The following VRK2 variants were observed in gnomAD, a reference collection of about 807,000 sequenced individuals.
The protein encoded by VRK2 is serine/threonine-protein kinase VRK2.
In VRK2, 60 loss-of-function variants were observed where a neutral mutation model predicts 57.6. The observed-to-expected ratio is 1.04, with a 90% CI of 0.85 to 1.29. The LOEUF (loss-of-function observed/expected upper bound fraction) is 1.29. Ranked by LOEUF, VRK2 falls within the 50% of genes most tolerant of loss-of-function variation. The pLI is 0.00. For synonymous variants in VRK2, 231 were observed against 199.2 expected (o/e 1.16, Z -1.35); for missense variants, 705 against 588.1 (o/e 1.20, Z -2.06).
intron 9 of VRK2, among the ~76,000 whole-genome samples, chr2:58,132,979 C>T (rs139174939): frequency 2.6e-5 from 4 of 152,076 alleles, no homozygotes; most frequent in Non-Finnish European, 4.4e-5. Flanking sequence ...TGTAACATTT[C>T]GAAATATGGG....
chr2:58,137,219 T>TATC (rs1553422503), intron 10 of VRK2, among the ~76,000 whole-genome samples: 9 of 60,250 alleles, frequency 1.5e-4, no homozygotes, highest in African/African-American at 2.0e-4. Context: ...ATGATACATA[T>TATC]ATATCATATG....
intron 1 of VRK2, among the ~76,000 whole-genome samples, chr2:57,916,475 G>A (rs935169672): frequency 2.0e-5 from 3 of 150,406 alleles, no homozygotes; most frequent in African/African-American, 7.3e-5. Context: ...ATAAACAACT[G>A]CATTTAACTT....
intron 2 of VRK2, among the ~76,000 whole-genome samples, chr2:58,050,333 C>T (rs1427445715): frequency 3.9e-5 from 6 of 152,144 alleles, no homozygotes; most frequent in Non-Finnish European, 7.4e-5. Context: ...CTCATATGCT[C>T]AGTAACTACA....
chr2:58,069,936 G>A (rs1253345274), intron 2 of VRK2, among the ~76,000 whole-genome samples: 1 of 152,062 alleles, frequency 6.6e-6, no homozygotes, highest in East Asian at 1.9e-4. Flanking sequence ...TGATACTACT[G>A]TGAATTGTGA....
intron 2 of VRK2, among the ~76,000 whole-genome samples, chr2:58,082,042 C>CT (rs1330258658): frequency 6.6e-6 from 1 of 151,834 alleles, no homozygotes; most frequent in East Asian, 1.9e-4. Flanking sequence ...GCACCCGTCT[C>CT]TAAGAGCTTT....
intron 12 of VRK2, among the ~76,000 whole-genome samples, chr2:58,154,355 T>C (rs1213956248): frequency 6.6e-6 from 1 of 151,954 alleles, no homozygotes; most frequent in African/African-American, 2.4e-5. Flanking sequence ...ACAAATATAA[T>C]TGTATATATC....
intron 7 of VRK2, among the ~76,000 whole-genome samples, chr2:58,091,793 A>G (rs1008550881): frequency 6.6e-6 from 1 of 152,190 alleles, no homozygotes; most frequent in Non-Finnish European, 1.5e-5. Flanking sequence ...TCCTAGAAAC[A>G]GGAAAAAAGG....
chr2:58,013,714 C>G (rs900475815), intron 1 of VRK2, among the ~76,000 whole-genome samples: 1 of 151,650 alleles, frequency 6.6e-6, no homozygotes, highest in African/African-American at 2.4e-5. Context: ...AAAAAATTAG[C>G]CGGGCGCAGT....
At chr2:57,945,717 C>G (rs1293049480) in intron 1 of VRK2, among the ~76,000 whole-genome samples, 2 of 152,022 alleles carry the variant, frequency 1.3e-5, no homozygotes, top group Non-Finnish European at 2.9e-5. Context: ...TACTCCTTAC[C>G]AAGAAAGGAC....
At chr2:57,916,117 C>A (rs1670138949) in intron 1 of VRK2, among the ~76,000 whole-genome samples, 1 of 151,934 alleles carries the variant, frequency 6.6e-6, no homozygotes, top group South Asian at 2.1e-4. Flanking sequence ...CTTAAGAATA[C>A]CCACCAAGGG....
chr2:58,038,975 ATACATC>A, intron 3 of VRK2, among the ~76,000 whole-genome samples: 1 of 152,056 alleles, frequency 6.6e-6, no homozygotes, highest in Middle Eastern at 3.4e-3. Flanking sequence ...TTAAATGATG[ATACATC>A]TACACTATGG....
rs140331212 is a variant in VRK2 at position 58,061,127 on chromosome 2, G to A, written c.136+12160G>A. Among the ~76,000 whole-genome samples, 286 of 151,854 alleles carry A rather than the reference G, an allele frequency of 1.9e-3. 1 individual carries two copies. Among genetic ancestry groups the A allele is most frequent in the African/African-American group, 6.5e-3 (270 of 41,520 alleles). On this transcript the variant is annotated intron_variant, in intron 2 of 12. Coordinates refer to ENST00000340157, the MANE Select transcript of VRK2 (RefSeq NM_006296.7). ...TTAAGAACTGTAAGTTATGAATGTA[G>A]AGTTTCATAACAAAATTCAAATTTC...
chr2:57,913,982 C>T (rs1384761725), intron 1 of VRK2, among the ~76,000 whole-genome samples: 1 of 152,002 alleles, frequency 6.6e-6, no homozygotes, highest in East Asian at 1.9e-4. Context: ...TGCCAATTTA[C>T]TTGTCTAATT....
chr2:57,967,613 A>G (rs1201624543), intron 1 of VRK2, among the ~76,000 whole-genome samples: 1 of 151,964 alleles, frequency 6.6e-6, no homozygotes, highest in Non-Finnish European at 1.5e-5. Flanking sequence ...ATACAATACA[A>G]AGGTAACTGA....
rs1572883707 is a variant in VRK2, at chr2:58,057,695, G to A, written c.136+8728G>A. 2.0e-5 allele frequency among the ~76,000 whole-genome samples: 3 copies of A among 152,188 alleles called. No homozygotes were observed. The South Asian group carries it at 6.2e-4, about 32-fold the overall frequency. On this transcript the variant is annotated intron_variant, in intron 2 of 12. Coordinates refer to ENST00000340157, the MANE Select transcript of VRK2 (RefSeq NM_006296.7). Reference sequence around the variant, plus strand: ...CAACGTTAACAGAAAATAAATTATTGGGATTTCTTTTAATCCAAGTCTGTG... The same window carrying A: ...CAACGTTAACAGAAAATAAATTATTAGGATTTCTTTTAATCCAAGTCTGTG...
intron 1 of VRK2, among the ~76,000 whole-genome samples, chr2:57,908,650 GT>G (rs1381356911): frequency 6.6e-6 from 1 of 152,106 alleles, no homozygotes; most frequent in Non-Finnish European, 1.5e-5. Context: ...ATTACTAAGT[GT>G]TTTCTAAACT....
At chr2:58,067,647 C>T (rs1668783884) in intron 2 of VRK2, among the ~76,000 whole-genome samples, 1 of 151,848 alleles carries the variant, frequency 6.6e-6, no homozygotes, top group Admixed American at 6.6e-5. Flanking sequence ...CCATTAAGTC[C>T]TGCTTAGGCT....
intron 12 of VRK2, among the ~76,000 whole-genome samples, chr2:58,159,063 T>C (rs550974644): frequency 1.1e-4 from 17 of 152,286 alleles, no homozygotes; most frequent in South Asian, 2.1e-4. Context: ...GTTTTCATAT[T>C]CTATCCTATT....
chr2:58,105,366 C>T (rs1374702143), intron 7 of VRK2, among the ~76,000 whole-genome samples: 2 of 151,532 alleles, frequency 1.3e-5, no homozygotes, highest in African/African-American at 4.8e-5. Context: ...AAAATAACCC[C>T]ATTAAAAGAT....
Sources: gnomAD v4.1 joint callset for allele counts (sites outside exome capture counted in the v4.1 genomes callset) on GRCh38, gnomAD v4.1.1 for gene constraint, MANE v1.5 for transcripts, NCBI Gene and HGNC (gene_info 2026-07-23, HGNC 2026-07-21) for gene names.